The following SRPK2 variants were observed in gnomAD, a reference collection of about 807,000 sequenced individuals.
The protein encoded by SRPK2 is SRSF protein kinase 2, also known as SFRS protein kinase 2.
A neutral mutation model predicts 90.8 loss-of-function variants in SRPK2; 21 were observed. That is an observed-to-expected ratio of 0.23 (90% CI 0.16 to 0.33). The LOEUF (loss-of-function observed/expected upper bound fraction) is 0.33. SRPK2 is among the 10% of genes least tolerant of loss of function. The pLI, the probability that SRPK2 is intolerant of heterozygous loss-of-function variation, is 1.00. For synonymous variants in SRPK2, 288 were observed against 311.1 expected (o/e 0.93, Z 0.78); for missense variants, 620 against 869.0 (o/e 0.71, Z 3.60).
intron 3 of SRPK2, among the ~76,000 whole-genome samples, chr7:105,193,296 G>A (rs1215887219): frequency 5.9e-5 from 9 of 152,090 alleles, no homozygotes; most frequent in Non-Finnish European, 1.2e-4. Context: ...GTTGAATAGG[G>A]TGTCTGTTCC....
chr7:105,168,785 G>GTGTGT (rs374842359), intron 4 of SRPK2, among the ~76,000 whole-genome samples: 15 of 147,166 alleles, frequency 1.0e-4, no homozygotes, highest in Middle Eastern at 3.4e-3. Flanking sequence ...GTGTGTGTAT[G>GTGTGT]GAGTAGCAAT....
At chr7:105,260,173 C>T (rs1399411933) in intron 2 of SRPK2, among the ~76,000 whole-genome samples, 3 of 152,136 alleles carry the variant, frequency 2.0e-5, no homozygotes, top group Non-Finnish European at 4.4e-5. Context: ...CTACCAAGAA[C>T]TTAAACCAAT....
intron 9 of SRPK2, among the ~76,000 whole-genome samples, chr7:105,144,374 G>T (rs1359640738): frequency 1.3e-5 from 2 of 151,598 alleles, no homozygotes; most frequent in African/African-American, 4.9e-5. Context: ...CTGAGTAGCC[G>T]GGATTACAGA....
At chr7:105,297,737 A>ATT (rs202204947) in intron 2 of SRPK2, among the ~76,000 whole-genome samples, 170 of 120,102 alleles carry the variant, frequency 1.4e-3, no homozygotes, top group African/African-American at 2.6e-3. Context: ...TAAGCTGTAA[A>ATT]TTTTTTTTTT....
At chr7:105,338,381 G>A (rs971290661) in intron 2 of SRPK2, among the ~76,000 whole-genome samples, 3 of 152,080 alleles carry the variant, frequency 2.0e-5, no homozygotes, top group Admixed American at 6.6e-5. Context: ...GATTACAGGC[G>A]CAGGCCACCA....
At chr7:105,312,507 A>G (rs1214891348) in intron 2 of SRPK2, among the ~76,000 whole-genome samples, 1 of 152,076 alleles carries the variant, frequency 6.6e-6, no homozygotes, top group East Asian at 1.9e-4. Context: ...ACAAAGTCAG[A>G]CACAAATGGT....
At chr7:105,288,617 A>C (rs6466055) in intron 2 of SRPK2, among the ~76,000 whole-genome samples, 91,298 of 151,530 alleles carry the variant, frequency 0.6, 28,454 homozygotes, top group South Asian at 0.75. Context: ...ACAACAACAA[A>C]AAAAATATAT....
At chr7:105,356,488 A>AT (rs1436390130) in intron 2 of SRPK2, among the ~76,000 whole-genome samples, 1 of 152,206 alleles carries the variant, frequency 6.6e-6, no homozygotes, top group Admixed American at 6.5e-5. Context: ...ATAAATGCAT[A>AT]TTAAAGTATG....
intron 2 of SRPK2, among the ~76,000 whole-genome samples, chr7:105,317,960 AG>A (rs1162636237): frequency 6.6e-6 from 1 of 152,134 alleles, no homozygotes; most frequent in Non-Finnish European, 1.5e-5. Flanking sequence ...CATGTTGCCC[AG>A]GCTGCTCTCG....
At chr7:105,377,448 T>C (rs1820435180) in intron 2 of SRPK2, among the ~76,000 whole-genome samples, 1 of 151,950 alleles carries the variant, frequency 6.6e-6, no homozygotes, top group Non-Finnish European at 1.5e-5. Context: ...ATCCCAGCAC[T>C]TTGGGGGGCG....
At chr7:105,274,113 A>G (rs1374424185) in intron 2 of SRPK2, among the ~76,000 whole-genome samples, 1 of 152,194 alleles carries the variant, frequency 6.6e-6, no homozygotes, top group African/African-American at 2.4e-5. Context: ...AACCCACCCA[A>G]TAGTCCCATA....
intron 3 of SRPK2, among the ~76,000 whole-genome samples, chr7:105,179,684 G>C (rs916550441): frequency 3.9e-5 from 6 of 151,938 alleles, no homozygotes; most frequent in Non-Finnish European, 8.8e-5. Flanking sequence ...GATTAGCCGG[G>C]TGTGGTGGCG....
chr7:105,176,703 ATGTGTATG>A (rs1222018844), intron 3 of SRPK2, among the ~76,000 whole-genome samples: 6 of 39,950 alleles, frequency 1.5e-4, no homozygotes, highest in Non-Finnish European at 3.3e-4. Flanking sequence ...ATATATATGT[ATGTGTATG>A]TGTGTGTGTG....
intron 3 of SRPK2, among the ~76,000 whole-genome samples, chr7:105,200,176 CCT>C (rs1338004711): frequency 6.6e-6 from 1 of 152,098 alleles, no homozygotes; most frequent in African/African-American, 2.4e-5. Context: ...GTGGCATGAG[CCT>C]GTAGTCTCAG....
chr7:105,394,897 G>T (rs7809329), intron 1 of SRPK2, among the ~76,000 whole-genome samples: 62,797 of 152,110 alleles, frequency 0.41, 15,191 homozygotes, highest in Non-Finnish European at 0.54. Context: ...ACAGCCGGGC[G>T]CGGTGGCTTA....
intron 11 of SRPK2, among the ~76,000 whole-genome samples, chr7:105,136,675 G>A (rs1802850734): frequency 6.6e-6 from 1 of 152,134 alleles, no homozygotes; most frequent in Non-Finnish European, 1.5e-5. Context: ...GCTGTCACAC[G>A]CACATAACAC....
intron 2 of SRPK2, among the ~76,000 whole-genome samples, chr7:105,386,763 T>A (rs1254742976): frequency 6.6e-6 from 1 of 152,182 alleles, no homozygotes; most frequent in Non-Finnish European, 1.5e-5. Flanking sequence ...AAGAGTTAAG[T>A]GAAAAATGGC....
At chr7:105,333,416 T>C (rs1814682877) in intron 2 of SRPK2, among the ~76,000 whole-genome samples, 1 of 152,174 alleles carries the variant, frequency 6.6e-6, no homozygotes, top group Non-Finnish European at 1.5e-5. Flanking sequence ...AAGTGACAAA[T>C]TTAATTAACG....
chr7:105,394,856 G>A (rs1281610861), intron 1 of SRPK2, among the ~76,000 whole-genome samples: 1 of 152,178 alleles, frequency 6.6e-6, no homozygotes, highest in African/African-American at 2.4e-5. Flanking sequence ...TTTACTAGAT[G>A]GTGATCATTT....
Sources: allele counts gnomAD v4.1 joint callset (sites outside exome capture counted in the v4.1 genomes callset), GRCh38; gene constraint gnomAD v4.1.1; transcripts MANE v1.5; gene names NCBI Gene and HGNC (gene_info 2026-07-23, HGNC 2026-07-21).